The following COL18A1 variants were observed in gnomAD, a reference collection of about 807,000 sequenced individuals.
COL18A1 encodes collagen alpha-1(XVIII) chain.
COL18A1 carries 133 observed loss-of-function variants against 168.0 expected under a neutral mutation model. The observed-to-expected ratio is 0.79, with a 90% CI of 0.69 to 0.91. The LOEUF (loss-of-function observed/expected upper bound fraction) is 0.91. Among genes scored for constraint, COL18A1 ranks in the 40% least tolerant of loss-of-function variants. The probability of loss-of-function intolerance (pLI) is 0.00; values close to 1 mark genes in which losing one functional copy is unlikely to be tolerated. For missense variants in COL18A1, 2,126 were observed against 1,925.4 expected (o/e 1.10, Z -1.95); for synonymous variants, 949 against 809.0 (o/e 1.17, Z -2.94).
intron 2 of COL18A1, among the ~76,000 whole-genome samples, chr21:45,454,590 G>A (rs994639928): frequency 6.6e-6 from 1 of 152,222 alleles, no homozygotes. Flanking sequence ...GATCTTGAGC[G>A]GGGTCACCAG....
chr21:45,512,066 C>A, intron 41 of COL18A1, 122 bp from the exon 42 acceptor site: 1 of 1,087,414 alleles, frequency 9.2e-7, no homozygotes, highest in Non-Finnish European at 1.4e-6. Flanking sequence ...TTGTGGGAGC[C>A]TCTGCAGCCC....
chr21:45,488,849 T>C (rs966617897), intron 18 of COL18A1, among the ~76,000 whole-genome samples: 2 of 151,978 alleles, frequency 1.3e-5, no homozygotes, highest in African/African-American at 4.8e-5. Flanking sequence ...AGGAGCTTTG[T>C]CCTCTGCTCC....
chr21:45,484,066 A>C (rs1602511046), intron 15 of COL18A1, among the ~76,000 whole-genome samples: 1 of 111,294 alleles, frequency 9.0e-6, no homozygotes, highest in Admixed American at 8.7e-5. Context: ...ACACACACAC[A>C]CTTCTCCAGC....
chr21:45,410,989 C>T (rs2033272822), intron 2 of COL18A1, among the ~76,000 whole-genome samples: 1 of 152,224 alleles, frequency 6.6e-6, no homozygotes, highest in African/African-American at 2.4e-5. Context: ...CCGAGAGAGA[C>T]CTTCCTTCCA....
chr21:45,509,216 A>C, intron 38 of COL18A1, 140 bp from the exon 39 acceptor site: 1 of 1,157,168 alleles, frequency 8.6e-7, no homozygotes, highest in Non-Finnish European at 1.2e-6. Context: ...CCCCCAGGGC[A>C]GCCCCAGAGT....
chr21:45,437,217 CACACACAG>C (rs1459644523), intron 2 of COL18A1, among the ~76,000 whole-genome samples: 2 of 115,642 alleles, frequency 1.7e-5, no homozygotes, highest in African/African-American at 8.0e-5. Flanking sequence ...CCTGCACACA[CACACACAG>C]ACACACAGGC....
intron 2 of COL18A1, among the ~76,000 whole-genome samples, chr21:45,455,237 T>C (rs1054394998): frequency 2.0e-5 from 3 of 152,198 alleles, no homozygotes; most frequent in African/African-American, 7.2e-5. Flanking sequence ...GCGGAGCACG[T>C]TGGGAACCCT....
At chr21:45,413,987 C>G (rs1367981929) in intron 2 of COL18A1, among the ~76,000 whole-genome samples, 1 of 152,226 alleles carries the variant, frequency 6.6e-6, no homozygotes, top group Non-Finnish European at 1.5e-5. Flanking sequence ...CTTGCCCTCT[C>G]CAAGCCCGTG....
chr21:45,497,486 T>C (rs935087114), intron 31 of COL18A1, 113 bp from the exon 32 acceptor site: 159 of 1,389,946 alleles, frequency 1.1e-4, no homozygotes, highest in Non-Finnish European at 1.5e-4. Context: ...CATGTCCATC[T>C]GATGCCCCCC....
chr21:45,438,132 AC>A (rs2034245972), intron 2 of COL18A1, among the ~76,000 whole-genome samples: 1 of 72,852 alleles, frequency 1.4e-5, no homozygotes, highest in Non-Finnish European at 2.7e-5. Flanking sequence ...ACTCTCCTGC[AC>A]ACACACACTC....
intron 2 of COL18A1, among the ~76,000 whole-genome samples, chr21:45,461,847 T>G (rs1293943019): frequency 6.6e-6 from 1 of 152,230 alleles, no homozygotes; most frequent in East Asian, 1.9e-4. Flanking sequence ...GCCCATGTAT[T>G]TACCTTTATT....
intron 14 of COL18A1, 189 bp downstream of exon 14, chr21:45,482,214 C>A (rs981970996): frequency 1.6e-6 from 1 of 625,138 alleles, no homozygotes; most frequent in Non-Finnish European, 2.9e-6. Flanking sequence ...GGTAGAAATT[C>A]ATAACCCTGT....
At chr21:45,455,140 G>C (rs2034750402) in intron 2 of COL18A1, among the ~76,000 whole-genome samples, 2 of 152,246 alleles carry the variant, frequency 1.3e-5, no homozygotes, top group Non-Finnish European at 2.9e-5. Context: ...GCAGGGGCTG[G>C]GGGCCGCTGC....
At chr21:45,456,010 C>T (rs1449540326) in intron 2 of COL18A1, 1 of 1,612,478 alleles carries the variant, frequency 6.2e-7, no homozygotes, top group African/African-American at 1.3e-5. Flanking sequence ...CTTCCAGCAC[C>T]CCCCAGGAGA....
intron 32 of COL18A1, among the ~76,000 whole-genome samples, chr21:45,501,105 TTGGTGTGTGTGTG>T (rs1217425061): frequency 8.5e-6 from 1 of 117,450 alleles, no homozygotes; most frequent in African/African-American, 3.2e-5. Context: ...GGGGTGTGGT[TTGGTGTGTGTGTG>T]TGTGTGTGCA....
intron 2 of COL18A1, among the ~76,000 whole-genome samples, chr21:45,431,823 C>A (rs1290426460): frequency 2.6e-5 from 4 of 152,118 alleles, no homozygotes; most frequent in Non-Finnish European, 5.9e-5. Context: ...GCAGCAGAGC[C>A]CCTGCTCTCA....
In COL18A1 at chr21:45,475,536, G is replaced by A; in HGVS notation, c.798+1G>A. The A allele has an allele frequency of 6.2e-7, 1 of 1,604,800 alleles. No homozygotes were observed. The highest frequency in any genetic ancestry group is 8.5e-7 in the Non-Finnish European group (1 of 1,177,378). On this transcript the variant is annotated splice_donor_variant, in intron 5 of 41. Transcript: ENST00000651438. LOFTEE classifies it high-confidence loss of function. ...CCGGGAGCTTCTCAGGGAGGAGACG[G>A]TGAGTAGCCGGACGGGGCCCAGCCC...
chr21:45,447,859 G>A (rs146695271), intron 2 of COL18A1, among the ~76,000 whole-genome samples: 11 of 152,216 alleles, frequency 7.2e-5, no homozygotes, highest in Admixed American at 4.6e-4. Context: ...AGGAGATGTC[G>A]GTGAGCCTCG....
chr21:45,484,404 C>T (rs1419779867), intron 15 of COL18A1, among the ~76,000 whole-genome samples: 1 of 149,478 alleles, frequency 6.7e-6, no homozygotes, highest in African/African-American at 2.5e-5. Context: ...TGTGTACACA[C>T]ACACACACCT....
Sources: allele counts gnomAD v4.1 joint callset (sites outside exome capture counted in the v4.1 genomes callset), GRCh38; gene constraint gnomAD v4.1.1; transcripts MANE v1.5; gene names NCBI Gene and HGNC (gene_info 2026-07-23, HGNC 2026-07-21).